The following CTIF variants were observed in gnomAD, a reference collection of about 807,000 sequenced individuals.
CTIF encodes cap binding complex dependent translation initiation factor.
Under a neutral mutation model 66.0 loss-of-function variants are expected in CTIF, and 21 were observed. That is an observed-to-expected ratio of 0.32 (90% confidence interval 0.23 to 0.46). The LOEUF (loss-of-function observed/expected upper bound fraction) is 0.46, where lower values mean the gene tolerates loss of function less well. Ranked by LOEUF, CTIF falls within the 20% of genes least tolerant of loss-of-function variation. The pLI is 1.00. For missense variants in CTIF, 739 were observed against 812.7 expected (o/e 0.91, Z 1.10); for synonymous variants, 345 against 326.4 (o/e 1.06, Z -0.62).
chr18:48,630,596 G>A (rs113990057), intron 2 of CTIF, among the ~76,000 whole-genome samples: 3,632 of 151,104 alleles, frequency 0.024, 107 homozygotes, highest in African/African-American at 0.068. Context: ...GCTTGTGGGT[G>A]CAGTTTTATC....
chr18:48,718,056 G>A (rs1315250705), intron 7 of CTIF, among the ~76,000 whole-genome samples: 1 of 152,126 alleles, frequency 6.6e-6, no homozygotes, highest in Non-Finnish European at 1.5e-5. Flanking sequence ...CTTCAACCTT[G>A]ATATTTTCAG....
rs191060556 is a variant in CTIF, at chr18:48,801,651, C to T, written c.1372-15570C>T. 5.9e-5 allele frequency among the ~76,000 whole-genome samples: 9 copies of T among 151,898 alleles called. No homozygotes were observed. In the East Asian group the frequency reaches 7.7e-4, roughly 13 times the overall value. The stretch of plus-strand genomic sequence containing the variant: ...TCAAATTCTATAAATAGCTTAGTAA[C>T]GCCTGTGTATTCATCTATTTTTAAA... On this transcript the variant is annotated intron_variant, in intron 9 of 11. Coordinates refer to ENST00000256413, the MANE Select transcript of CTIF (RefSeq NM_014772.3).
At chr18:48,637,491 T>C (rs932836064) in intron 3 of CTIF, among the ~76,000 whole-genome samples, 2 of 152,194 alleles carry the variant, frequency 1.3e-5, no homozygotes, top group African/African-American at 2.4e-5. Context: ...AGGGAGCCCC[T>C]GCAGGCTCCT....
chr18:48,739,081 C>T (rs1418771254), intron 7 of CTIF, among the ~76,000 whole-genome samples: 5 of 152,164 alleles, frequency 3.3e-5, no homozygotes, highest in Non-Finnish European at 7.4e-5. Context: ...TAGCTGGTCC[C>T]CCTGTCTCTA....
chr18:48,671,547 G>A lies in CTIF; in HGVS notation c.507+803G>A, dbSNP rs539981999. On this transcript the variant is annotated intron_variant, in intron 6 of 11. Coordinates refer to ENST00000256413, the MANE Select transcript of CTIF (RefSeq NM_014772.3). ...TGTTTCTTCTCTGTTCATGCCTTGG[G>A]CCTATCAATGAGAGACAATAGAGCA... 2.6e-5 allele frequency among the ~76,000 whole-genome samples: 4 copies of A among 152,134 alleles called. No homozygotes were observed. In the East Asian group the frequency reaches 5.8e-4, roughly 22 times the overall value.
At chr18:48,663,337 G>A (rs2091378453) in intron 3 of CTIF, among the ~76,000 whole-genome samples, 2 of 152,236 alleles carry the variant, frequency 1.3e-5, no homozygotes, top group African/African-American at 4.8e-5. Context: ...CTTCTGGGGA[G>A]TAGGACTGAA....
chr18:48,541,792 T>C (rs994830027), intron 1 of CTIF, among the ~76,000 whole-genome samples: 2 of 152,054 alleles, frequency 1.3e-5, no homozygotes, highest in African/African-American at 4.8e-5. Context: ...AGAATAATAA[T>C]ATGTTTGTAT....
intron 1 of CTIF, among the ~76,000 whole-genome samples, chr18:48,613,968 C>T (rs1398080162): frequency 6.6e-6 from 1 of 152,198 alleles, no homozygotes; most frequent in Non-Finnish European, 1.5e-5. Context: ...TTTAGTTCCT[C>T]CTCATCCATC....
chr18:48,717,108 G>A (rs978716943), intron 7 of CTIF, among the ~76,000 whole-genome samples: 3 of 152,272 alleles, frequency 2.0e-5, no homozygotes, highest in South Asian at 2.1e-4. Flanking sequence ...AACCAATTAA[G>A]AATTTTGGGG....
intron 9 of CTIF, among the ~76,000 whole-genome samples, chr18:48,782,633 T>C (rs1489367645): frequency 6.6e-6 from 1 of 152,190 alleles, no homozygotes; most frequent in African/African-American, 2.4e-5. Context: ...AGGCCCTCAG[T>C]GCACCCACAG....
intron 11 of CTIF, among the ~76,000 whole-genome samples, chr18:48,858,371 G>T (rs2069377535): frequency 6.6e-6 from 1 of 152,258 alleles, no homozygotes; most frequent in Admixed American, 6.5e-5. Flanking sequence ...CCTCCAGCTG[G>T]GCACCCTACA....
intron 1 of CTIF, among the ~76,000 whole-genome samples, chr18:48,570,652 T>G (rs1235602181): frequency 6.6e-6 from 1 of 151,994 alleles, no homozygotes; most frequent in East Asian, 1.9e-4. Context: ...ATTGAGTAAG[T>G]TGAGAACAAA....
chr18:48,608,321 A>G lies in CTIF; in HGVS notation c.-28-11217A>G, dbSNP rs2144253100. On this transcript the variant is annotated intron_variant, in intron 1 of 11. Coordinates refer to ENST00000256413, the MANE Select transcript of CTIF (RefSeq NM_014772.3). Reference sequence around the variant, plus strand: ...GAAAAGTCAGAAATTGTGGCTTTTTATGTGAAATATTTTGATTTATAAACG... The same window carrying G: ...GAAAAGTCAGAAATTGTGGCTTTTTGTGTGAAATATTTTGATTTATAAACG... 1.3e-5 allele frequency among the ~76,000 whole-genome samples: 2 copies of G among 152,332 alleles called. 1 individual carries two copies. Among genetic ancestry groups the G allele is most frequent in the South Asian group, 4.1e-4 (2 of 4,822 alleles).
intron 6 of CTIF, among the ~76,000 whole-genome samples, chr18:48,671,361 G>A (rs1423708949): frequency 6.6e-6 from 1 of 152,160 alleles, no homozygotes; most frequent in Non-Finnish European, 1.5e-5. Context: ...CCTGCTGCAG[G>A]GGTGTAAAAG....
intron 9 of CTIF, among the ~76,000 whole-genome samples, chr18:48,775,526 G>A (rs1299082451): frequency 3.9e-5 from 6 of 152,232 alleles, no homozygotes; most frequent in Admixed American, 3.9e-4. Flanking sequence ...CAGCCACAAG[G>A]AAAGCTCTCC....
Position 48,774,477 on chromosome 18 carries a change from G to A in CTIF, c.1371+12788G>A, listed in dbSNP as rs149133590. On this transcript the variant is annotated intron_variant, in intron 9 of 11. Transcript: ENST00000256413. ...TCAGGGAAAAACAGCGGCCTCTTTG[G>A]GGGGGACAGGGAGGAACCTGCAGGG... Among the ~76,000 whole-genome samples, 223 of 151,244 alleles carry A rather than the reference G, an allele frequency of 1.5e-3. 1 individual carries two copies. Among genetic ancestry groups the A allele is most frequent in the Middle Eastern group, 3.7e-3 (1 of 272 alleles).
At chr18:48,845,461 C>T (rs1008383607) in intron 10 of CTIF, among the ~76,000 whole-genome samples, 2 of 152,160 alleles carry the variant, frequency 1.3e-5, no homozygotes, top group East Asian at 1.9e-4. Context: ...GACGCCATTT[C>T]CTCCTGTTCT....
intron 9 of CTIF, among the ~76,000 whole-genome samples, chr18:48,770,323 T>C (rs555786814): frequency 1.3e-5 from 2 of 152,142 alleles, no homozygotes; most frequent in East Asian, 1.9e-4. Flanking sequence ...TGCGCCACTG[T>C]GCCACTGCGC....
chr18:48,777,468 C>T (rs1910797088), intron 9 of CTIF, among the ~76,000 whole-genome samples: 1 of 152,166 alleles, frequency 6.6e-6, no homozygotes, highest in Non-Finnish European at 1.5e-5. Flanking sequence ...AGCAAGGGTC[C>T]CCTCCAGACC....
Sources: gnomAD v4.1 joint callset for allele counts (sites outside exome capture counted in the v4.1 genomes callset) on GRCh38, gnomAD v4.1.1 for gene constraint, MANE v1.5 for transcripts, NCBI Gene and HGNC (gene_info 2026-07-23, HGNC 2026-07-21) for gene names.